The following CAMKMT variants were observed in gnomAD, a reference collection of about 807,000 sequenced individuals.
CAMKMT encodes the protein CaM KMT.
CAMKMT carries 53 observed loss-of-function variants against 48.0 expected under a neutral mutation model. The ratio of observed to expected loss-of-function variants is 1.10; its 90% CI spans 0.89 to 1.39. CAMKMT has a LOEUF of 1.39. Among genes scored for constraint, CAMKMT ranks in the 40% most tolerant of loss-of-function variants. CAMKMT has a pLI of 0.00. For missense variants in CAMKMT, 428 were observed against 402.7 expected (o/e 1.06, Z -0.54); for synonymous variants, 165 against 152.3 (o/e 1.08, Z -0.61).
intron 7 of CAMKMT, among the ~76,000 whole-genome samples, chr2:44,719,208 C>G (rs550332368): frequency 6.6e-5 from 10 of 152,258 alleles, no homozygotes; most frequent in Admixed American, 3.3e-4. Flanking sequence ...CTCCTCTTCT[C>G]CATCTAAATC....
At position 44,372,782 on chromosome 2, in the gene CAMKMT, A is replaced by G; in HGVS notation, c.205A>G (p.Asn69Asp). The stretch of plus-strand genomic sequence containing the variant: ...ATCTGTAAGAAGATTTGAATCATTT[A>G]ATCTGTTTTCAGTAACAGAAGGCAA... ...HVSVRRFESFNLFSVTEGKER... is the reference protein window; with the variant it reads ...HVSVRRFESFDLFSVTEGKER... Residue 69 changes from asparagine (N) to aspartate (D), a missense_variant, in exon 2 of 11, where the codon AAT (asparagine) becomes GAT (aspartate). Physicochemically the swap from Asn to Asp is conservative, Grantham distance 23 (BLOSUM62 1). Coordinates refer to ENST00000378494, the MANE Select transcript of CAMKMT (RefSeq NM_024766.5). The G allele has an allele frequency of 6.2e-7, 1 of 1,613,904 alleles. No individual in the cohort carries two copies. Among genetic ancestry groups the G allele is most frequent in the African/African-American group, 1.3e-5 (1 of 75,014 alleles).
intron 3 of CAMKMT, among the ~76,000 whole-genome samples, chr2:44,694,897 A>G (rs934184319): frequency 6.6e-6 from 1 of 152,262 alleles, no homozygotes; most frequent in Non-Finnish European, 1.5e-5. Context: ...CCAAAGGATG[A>G]AGGAGGCCTT....
At chr2:44,729,765 A>G (rs185290332) in intron 7 of CAMKMT, among the ~76,000 whole-genome samples, 37 of 152,238 alleles carry the variant, frequency 2.4e-4, no homozygotes, top group Middle Eastern at 3.4e-3. Context: ...AAGAAAGGGA[A>G]ATATTTGATG....
chr2:44,366,345 C>T (rs940708232), intron 1 of CAMKMT, among the ~76,000 whole-genome samples: 5 of 152,230 alleles, frequency 3.3e-5, no homozygotes, highest in East Asian at 3.8e-4. Context: ...TCTACTACCA[C>T]GTACTGGATG....
chr2:44,450,491 G>A (rs754485646), intron 3 of CAMKMT, among the ~76,000 whole-genome samples: 4 of 152,078 alleles, frequency 2.6e-5, no homozygotes, highest in Admixed American at 6.6e-5. Context: ...ACCTTAAAAG[G>A]GGTTATGAAG....
chr2:44,608,235 G>C (rs1671406330), intron 3 of CAMKMT, among the ~76,000 whole-genome samples: 1 of 151,846 alleles, frequency 6.6e-6, no homozygotes, highest in Non-Finnish European at 1.5e-5. Flanking sequence ...ACCGCGCCTG[G>C]CTAATTTTTT....
chr2:44,643,119 T>TA (rs1004632266), intron 3 of CAMKMT, among the ~76,000 whole-genome samples: 14 of 152,308 alleles, frequency 9.2e-5, no homozygotes, highest in African/African-American at 3.4e-4. Flanking sequence ...TTATACTTTT[T>TA]AAAAAACTCC....
At chr2:44,751,450 G>T (rs777809267) in intron 8 of CAMKMT, among the ~76,000 whole-genome samples, 2 of 152,148 alleles carry the variant, frequency 1.3e-5, no homozygotes, top group Non-Finnish European at 2.9e-5. Context: ...GTAAAATGTG[G>T]ACAATAATAA....
intron 3 of CAMKMT, among the ~76,000 whole-genome samples, chr2:44,578,420 C>G (rs77515426): frequency 6.6e-6 from 1 of 152,100 alleles, no homozygotes; most frequent in African/African-American, 2.4e-5. Flanking sequence ...AAATGTTATA[C>G]TGTCACCTAG....
intron 3 of CAMKMT, among the ~76,000 whole-genome samples, chr2:44,446,470 C>T (rs10166059): frequency 2.5e-3 from 373 of 151,982 alleles, no homozygotes; most frequent in African/African-American, 4.3e-3. Context: ...CCTCAGTCAC[C>T]GAGTAGCTTG....
At chr2:44,451,006 A>G (rs2104590403) in intron 3 of CAMKMT, among the ~76,000 whole-genome samples, 1 of 152,258 alleles carries the variant, frequency 6.6e-6, no homozygotes, top group East Asian at 1.9e-4. Flanking sequence ...GCAGTACTGG[A>G]CATTCTTTGG....
At chr2:44,489,461 G>A (rs571974461) in intron 3 of CAMKMT, among the ~76,000 whole-genome samples, 7 of 152,002 alleles carry the variant, frequency 4.6e-5, no homozygotes, top group Non-Finnish European at 8.8e-5. Flanking sequence ...GGTCAGGCTG[G>A]TCTCGAACTC....
intron 3 of CAMKMT, among the ~76,000 whole-genome samples, chr2:44,501,778 T>C (rs1312819995): frequency 1.3e-5 from 2 of 152,136 alleles, no homozygotes; most frequent in East Asian, 3.9e-4. Context: ...AGCAGGAGGC[T>C]GAGGCAGGAG....
intron 3 of CAMKMT, among the ~76,000 whole-genome samples, chr2:44,647,309 A>T (rs1458733851): frequency 1.3e-5 from 2 of 152,004 alleles, no homozygotes; most frequent in Non-Finnish European, 2.9e-5. Flanking sequence ...TTTTTCAGTT[A>T]CCCCTTTTCG....
chr2:44,546,247 G>A (rs2103632200), intron 3 of CAMKMT, among the ~76,000 whole-genome samples: 1 of 148,158 alleles, frequency 6.7e-6, no homozygotes, highest in African/African-American at 2.5e-5. Context: ...TCACATCTAA[G>A]TTCTGACATT....
At chr2:44,429,576 A>G (rs1558607123) in intron 3 of CAMKMT, among the ~76,000 whole-genome samples, 1 of 152,106 alleles carries the variant, frequency 6.6e-6, no homozygotes, top group Admixed American at 6.5e-5. Flanking sequence ...CGTATAAGAC[A>G]AAAGAATAAG....
chr2:44,503,579 A>C (rs1398966500), intron 3 of CAMKMT, among the ~76,000 whole-genome samples: 1 of 152,168 alleles, frequency 6.6e-6, no homozygotes, highest in East Asian at 1.9e-4. Context: ...AAAATTTTCA[A>C]ATATTCCTAT....
At chr2:44,744,658 G>A (rs1350247482) in intron 8 of CAMKMT, among the ~76,000 whole-genome samples, 4 of 152,084 alleles carry the variant, frequency 2.6e-5, no homozygotes, top group Non-Finnish European at 5.9e-5. Flanking sequence ...CCAGAACTCA[G>A]GGAAGACTTT....
chr2:44,559,226 G>A (rs1459073948), intron 3 of CAMKMT, among the ~76,000 whole-genome samples: 1 of 152,108 alleles, frequency 6.6e-6, no homozygotes, highest in Non-Finnish European at 1.5e-5. Flanking sequence ...GATGGTGTTG[G>A]AAGGGACTGT....
Sources: allele counts gnomAD v4.1 joint callset (sites outside exome capture counted in the v4.1 genomes callset), GRCh38; gene constraint gnomAD v4.1.1; transcripts MANE v1.5; gene names NCBI Gene and HGNC (gene_info 2026-07-23, HGNC 2026-07-21).